Variants in COL4A1 observed in about 807,000 individuals in gnomAD.
COL4A1 encodes the protein collagen alpha-1(IV) chain.
In COL4A1, 40 loss-of-function variants were observed where a neutral mutation model predicts 216.6. The ratio of observed to expected loss-of-function variants is 0.18; its 90% CI spans 0.14 to 0.24. COL4A1 has a LOEUF of 0.24. Ranked by LOEUF, COL4A1 falls within the 10% of genes least tolerant of loss-of-function variation. The probability of loss-of-function intolerance (pLI) is 1.00; values close to 1 mark genes in which losing one functional copy is unlikely to be tolerated. For missense variants in COL4A1, 1,628 were observed against 2,196.8 expected (o/e 0.74, Z 5.18); for synonymous variants, 839 against 810.7 (o/e 1.03, Z -0.59).
rs1472375885 is a variant in COL4A1 at position 110,207,230 on chromosome 13, G to C, written c.780+173C>G. 6.6e-6 allele frequency among the ~76,000 whole-genome samples: 1 copy of C among 152,072 alleles called. No homozygotes were observed. The highest frequency in any genetic ancestry group is 1.5e-5 in the Non-Finnish European group (1 of 68,032). On this transcript the variant is annotated intron_variant, in intron 13 of 51. Transcript: ENST00000375820. The surrounding 1 kb of genome is among the most constrained non-coding windows in gnomAD (Gnocchi z 4.4). Reference sequence around the variant, plus strand: ...GGCTTGGACCAATCCAGTTCCAGCTGTCTCTGCTCTCAAAGGGGCTCGTAT... The same window carrying C: ...GGCTTGGACCAATCCAGTTCCAGCTCTCTCTGCTCTCAAAGGGGCTCGTAT...
intron 1 of COL4A1, among the ~76,000 whole-genome samples, chr13:110,301,963 G>A (rs550251465): frequency 6.6e-6 from 1 of 152,294 alleles, no homozygotes; most frequent in African/African-American, 2.4e-5. Context: ...AGGGAATTGA[G>A]GGCAATTAGC....
At chr13:110,209,324 T>G in intron 11 of COL4A1, 68 bp downstream of exon 11, 3 of 1,382,170 alleles carry the variant, frequency 2.2e-6, no homozygotes, top group Admixed American at 1.9e-5. Flanking sequence ...ATAAGAAGAG[T>G]GAGCTATAGC....
chr13:110,187,202 G>C lies in COL4A1; in HGVS notation c.1664C>G (p.Pro555Arg). Residue 555 changes from proline (P) to arginine (R), a missense_variant, in exon 25 of 52, where the codon CCA becomes CGA. Physicochemically the swap from Pro to Arg is moderately radical, Grantham distance 103. Coordinates refer to ENST00000375820, the MANE Select transcript of COL4A1 (RefSeq NM_001845.6). ...TCTTCCAGGAGAACCCGCTCTCCCT[G>C]GCATGCCGGGCTGTCCTGGAAAGCC... ...DPGFPGQPGM[P>R]GRAGSPGRDG... 1 of 1,613,980 alleles carries C rather than the reference G, an allele frequency of 6.2e-7. No individual in the cohort carries two copies.
chr13:110,240,974 A>C (rs1881539975), intron 2 of COL4A1, among the ~76,000 whole-genome samples: 1 of 152,104 alleles, frequency 6.6e-6, no homozygotes. Context: ...GGTTCAAGCA[A>C]TTCTCCTGTC....
chr13:110,190,829 T>A (rs529275518), intron 24 of COL4A1: 9 of 152,322 alleles, frequency 5.9e-5, no homozygotes, highest in African/African-American at 2.2e-4. Flanking sequence ...AGGAGTAGAA[T>A]TGGGGTTGTA....
At chr13:110,151,342 T>C (rs182012211) in intron 51 of COL4A1, among the ~76,000 whole-genome samples, 3 of 152,096 alleles carry the variant, frequency 2.0e-5, no homozygotes, top group Admixed American at 2.0e-4. Context: ...ATCAACCTTA[T>C]AAGAGGACAC....
At chr13:110,194,975 C>G in intron 22 of COL4A1, 48 bp downstream of exon 22, 1 of 1,550,274 alleles carries the variant, frequency 6.5e-7, no homozygotes, top group Non-Finnish European at 8.9e-7. Flanking sequence ...GGGAAAAAAT[C>G]ATACGCAAAG....
chr13:110,221,259 A>C (rs1880465427), intron 2 of COL4A1, among the ~76,000 whole-genome samples: 1 of 152,254 alleles, frequency 6.6e-6, no homozygotes, highest in East Asian at 1.9e-4. Context: ...TGATAGATCC[A>C]CATTTACAAA....
intron 2 of COL4A1, among the ~76,000 whole-genome samples, chr13:110,235,252 G>A (rs1365756403): frequency 1.3e-5 from 2 of 152,130 alleles, no homozygotes; most frequent in African/African-American, 4.8e-5. Context: ...ATGTGCTTGA[G>A]TAAAGAATTT....
intron 1 of COL4A1, among the ~76,000 whole-genome samples, chr13:110,250,237 C>T (rs1429545334): frequency 1.3e-5 from 2 of 148,196 alleles, no homozygotes; most frequent in Non-Finnish European, 3.0e-5. Flanking sequence ...ATGTGAGAAA[C>T]AGTGAATTTC....
intron 1 of COL4A1, among the ~76,000 whole-genome samples, chr13:110,247,004 G>C (rs534974663): frequency 1.6e-4 from 25 of 152,256 alleles, no homozygotes; most frequent in Middle Eastern, 3.4e-3. Flanking sequence ...TATAAAAGCA[G>C]ACCAGCCATG....
chr13:110,268,173 G>A lies in COL4A1; in HGVS notation c.85-25439C>T, dbSNP rs942128380. Among the ~76,000 whole-genome samples, 2 of 152,190 alleles carry A rather than the reference G, an allele frequency of 1.3e-5. No homozygotes were observed. The highest frequency in any genetic ancestry group is 4.8e-5 in the African/African-American group (2 of 41,442). On this transcript the variant is annotated intron_variant, in intron 1 of 51. Transcript: ENST00000375820. The surrounding 1 kb of genome is among the most constrained non-coding windows in gnomAD (Gnocchi z 4.1). ...TCAACCCCTAGCATATAAAGACAAG[G>A]GGCCAGGTTCAGCAGGGCCGATGCC...
chr13:110,179,180 CA>C, intron 30 of COL4A1, 90 bp downstream of exon 30: 1 of 1,582,124 alleles, frequency 6.3e-7, no homozygotes. Context: ...TCAACAAATA[CA>C]TATCAAATAT....
rs1185262027 is a variant in COL4A1 at position 110,307,133 on chromosome 13, G to A, written c.-106C>T. 5 of 927,844 alleles carry A rather than the reference G, an allele frequency of 5.4e-6. No homozygotes were observed. Among genetic ancestry groups the A allele is most frequent in the South Asian group, 2.3e-5 (1 of 43,796 alleles). The allele number at this position is 927,844 out of a possible 1,614,324, so 57.5% of individuals were successfully genotyped here. On this transcript the variant is annotated 5_prime_UTR_variant, in exon 1 of 52. Coordinates refer to ENST00000375820, the MANE Select transcript of COL4A1 (RefSeq NM_001845.6). The surrounding 1 kb of genome is among the most constrained non-coding windows in gnomAD (Gnocchi z 5.0). Reference sequence around the variant, plus strand: ...CTTCCAGCGCTACGCACCGTCCCGGGTGCGGCGGCTCCAAGCGGAGACCTG... The same window carrying A: ...CTTCCAGCGCTACGCACCGTCCCGGATGCGGCGGCTCCAAGCGGAGACCTG...
intron 2 of COL4A1, among the ~76,000 whole-genome samples, chr13:110,218,728 T>C (rs528191993): frequency 9.5e-4 from 145 of 152,278 alleles, no homozygotes; most frequent in African/African-American, 3.3e-3. Context: ...CCAGACTGGC[T>C]GGAGTCCGCA....
chr13:110,220,268 A>G (rs1014485159), intron 2 of COL4A1, among the ~76,000 whole-genome samples: 2 of 152,172 alleles, frequency 1.3e-5, no homozygotes, highest in African/African-American at 4.8e-5. Flanking sequence ...TCAAAAACAC[A>G]TTTAATACAC....
chr13:110,214,103 A>AT (rs1555307238), intron 2 of COL4A1, 88 bp from the exon 3 acceptor site: 124 of 1,070,404 alleles, frequency 1.2e-4, no homozygotes, highest in East Asian at 9.1e-4. Context: ...CTATATATAT[A>AT]TTTTTTTTGA....
intron 18 of COL4A1, among the ~76,000 whole-genome samples, chr13:110,201,840 G>A (rs1391262266): frequency 6.6e-6 from 1 of 152,126 alleles, no homozygotes; most frequent in Non-Finnish European, 1.5e-5. Context: ...AAATTAGTCG[G>A]GCGTGGTGGC....
intron 2 of COL4A1, among the ~76,000 whole-genome samples, chr13:110,238,330 C>G (rs899763951): frequency 2.0e-5 from 3 of 152,214 alleles, no homozygotes; most frequent in African/African-American, 7.2e-5. Context: ...TTTGGAGTCA[C>G]TATAGTAGAA....
Sources: gnomAD v4.1 joint callset for allele counts (sites outside exome capture counted in the v4.1 genomes callset) on GRCh38, gnomAD v4.1.1 for gene constraint, Gnocchi (gnomAD v3.1) non-coding constraint, MANE v1.5 for transcripts, NCBI Gene and HGNC (gene_info 2026-07-23, HGNC 2026-07-21) for gene names.